The following RYR3 variants were observed in gnomAD, a reference collection of about 807,000 sequenced individuals.
The protein encoded by RYR3 is brain ryanodine receptor-calcium release channel.
RYR3 carries 207 observed loss-of-function variants against 584.3 expected under a neutral mutation model. That is an observed-to-expected ratio of 0.35 (90% CI 0.32 to 0.40). The LOEUF (loss-of-function observed/expected upper bound fraction) is 0.40, where lower values mean the gene tolerates loss of function less well. Ranked by LOEUF, RYR3 falls within the 10% of genes least tolerant of loss-of-function variation. The pLI is 1.00. For synonymous variants in RYR3, 2,416 were observed against 2,248.5 expected (o/e 1.07, Z -2.11); for missense variants, 5,616 against 6,089.2 (o/e 0.92, Z 2.59).
intron 12 of RYR3, among the ~76,000 whole-genome samples, chr15:33,569,311 C>T (rs2057892983): frequency 6.6e-6 from 1 of 152,050 alleles, no homozygotes; most frequent in Non-Finnish European, 1.5e-5. Context: ...TCGTTTTAGC[C>T]ATTTTTAGTT....
chr15:33,651,907 A>G (rs1446595253), intron 31 of RYR3, among the ~76,000 whole-genome samples: 2 of 152,226 alleles, frequency 1.3e-5, no homozygotes, highest in Non-Finnish European at 2.9e-5. Context: ...TCTCTTGCCC[A>G]CGGTGGGGGG....
At chr15:33,481,555 A>C (rs1350587682) in intron 2 of RYR3, among the ~76,000 whole-genome samples, 1 of 152,008 alleles carries the variant, frequency 6.6e-6, no homozygotes, top group East Asian at 1.9e-4. Flanking sequence ...ATCTCAGCTC[A>C]CTGCAACCTC....
At chr15:33,606,452 G>T (rs1261717129) in intron 18 of RYR3, among the ~76,000 whole-genome samples, 3 of 152,166 alleles carry the variant, frequency 2.0e-5, no homozygotes, top group Non-Finnish European at 2.9e-5. Context: ...TGCTGAATGA[G>T]AAAAGAATTC....
intron 16 of RYR3, among the ~76,000 whole-genome samples, chr15:33,599,605 A>G (rs1219655726): frequency 2.0e-5 from 3 of 152,200 alleles, no homozygotes; most frequent in South Asian, 2.1e-4. Flanking sequence ...TCAGATATGC[A>G]TCTATCTCAG....
intron 19 of RYR3, among the ~76,000 whole-genome samples, 195 bp from the exon 20 acceptor site, chr15:33,623,612 A>G (rs1259639537): frequency 1.3e-5 from 2 of 152,238 alleles, no homozygotes; most frequent in Non-Finnish European, 2.9e-5. Flanking sequence ...GCTGAGGATC[A>G]GCCTTGATGC....
intron 43 of RYR3, among the ~76,000 whole-genome samples, chr15:33,716,703 C>T (rs1425867826): frequency 6.6e-6 from 1 of 152,196 alleles, no homozygotes; most frequent in Non-Finnish European, 1.5e-5. Context: ...CAGCTTGCCT[C>T]CAAGGCCCCT....
intron 1 of RYR3, among the ~76,000 whole-genome samples, chr15:33,439,215 A>G (rs1365419489): frequency 6.6e-6 from 1 of 152,088 alleles, no homozygotes; most frequent in Non-Finnish European, 1.5e-5. Flanking sequence ...TTAATATTTT[A>G]TCTTTGGGTT....
Position 33,706,867 on chromosome 15 carries a change from T to A in RYR3, c.6484-52T>A, listed in dbSNP as rs901020272. On this transcript the variant is annotated intron_variant, in intron 42 of 103. Transcript: ENST00000634891. ...TTGTTATTTTTTGAGGTGTGTTTTT[T>A]AATAGCCATCCTAATGCGTGCGAAA... 48 of 1,514,982 alleles carry A rather than the reference T, an allele frequency of 3.2e-5. No homozygotes were observed. In the Admixed American group the frequency reaches 1.0e-3, roughly 33 times the overall value. The allele number at this position is 1,514,982 out of a possible 1,614,324, so 93.8% of individuals were successfully genotyped here. A position where few individuals can be genotyped will look rare whatever the true frequency, so the allele number is the denominator to read the frequency against.
intron 16 of RYR3, among the ~76,000 whole-genome samples, chr15:33,588,941 AT>A (rs1325364174): frequency 1.3e-5 from 2 of 152,194 alleles, no homozygotes; most frequent in Non-Finnish European, 2.9e-5. Context: ...TCTTTTTGAT[AT>A]AGCAATTTAT....
At chr15:33,727,836 G>A (rs1310918899) in intron 46 of RYR3, among the ~76,000 whole-genome samples, 1 of 152,142 alleles carries the variant, frequency 6.6e-6, no homozygotes, top group Non-Finnish European at 1.5e-5. Flanking sequence ...AGTTTTTAGT[G>A]TCAACAAAAC....
At chr15:33,724,369 G>A (rs147081248) in intron 45 of RYR3, among the ~76,000 whole-genome samples, 193 bp downstream of exon 45, 17 of 152,244 alleles carry the variant, frequency 1.1e-4, no homozygotes, top group African/African-American at 3.6e-4. Flanking sequence ...AGGGACTCCC[G>A]GGCAGATCCC....
rs763397370 is a variant in RYR3 at position 33,837,964 on chromosome 15, C to T, written c.11984C>T (p.Ala3995Val). The T allele has an allele frequency of 1.2e-6, 2 of 1,613,856 alleles. No homozygotes were observed. Among genetic ancestry groups the T allele is most frequent in the African/African-American group, 2.7e-5 (2 of 74,914 alleles). The change falls in exon 89 of 104, where the codon GCT becomes GTT. Residue 3995 changes from alanine (A) to valine (V), a missense_variant. Around this residue, in one of 9 missense-constraint regions of RYR3, gnomAD observed 258 missense variants for 297.3 expected, o/e 0.87. Coordinates refer to ENST00000634891, the MANE Select transcript of RYR3 (RefSeq NM_001036.6). The part of the protein sequence containing the change: ...EPAKDIGFNV[A>V]VLLTNLSEHM... Reference sequence around the variant, plus strand: ...GCCAAGGACATAGGGTTTAATGTGGCTGTGTTATTGACAAATCTTTCTGAA... The same window carrying T: ...GCCAAGGACATAGGGTTTAATGTGGTTGTGTTATTGACAAATCTTTCTGAA...
intron 12 of RYR3, among the ~76,000 whole-genome samples, chr15:33,570,843 T>C (rs2057989606): frequency 4.9e-5 from 1 of 20,378 alleles, no homozygotes; most frequent in African/African-American, 9.8e-5. Context: ...CAAATATAAT[T>C]ATTTTTTTGA....
chr15:33,807,680 G>A lies in RYR3; in HGVS notation c.10026+111G>A, dbSNP rs112238196. The A allele has an allele frequency of 7.5e-3, 8,196 of 1,099,612 alleles. 421 individuals are homozygous for A. The African/African-American group carries it at 0.11, about 15-fold the overall frequency. 68.1% of individuals were successfully genotyped at this position (1,099,612 alleles called of 1,614,324 possible). On this transcript the variant is annotated intron_variant, in intron 70 of 103. Coordinates refer to ENST00000634891, the MANE Select transcript of RYR3 (RefSeq NM_001036.6). ...GGGGTGGTAGAGAATGGATTTTCCC[G>A]CCTGGAGGTCCCCCAGGCCTGCTCC...
At chr15:33,346,049 G>A (rs1321131748) in intron 1 of RYR3, among the ~76,000 whole-genome samples, 1 of 152,118 alleles carries the variant, frequency 6.6e-6, no homozygotes, top group Non-Finnish European at 1.5e-5. Flanking sequence ...TTCATTGAAT[G>A]GAAGTATCAT....
intron 100 of RYR3, among the ~76,000 whole-genome samples, 156 bp downstream of exon 100, chr15:33,859,887 T>C (rs2080143437): frequency 6.6e-6 from 1 of 152,156 alleles, no homozygotes; most frequent in South Asian, 2.1e-4. Context: ...ACCTGAGGCT[T>C]TGGCTATATA....
At chr15:33,804,509 C>CTTCCTGACT (rs1460552440) in intron 69 of RYR3, among the ~76,000 whole-genome samples, 2 of 152,234 alleles carry the variant, frequency 1.3e-5, no homozygotes, top group Non-Finnish European at 2.9e-5. Context: ...ATTGAGCTTA[C>CTTCCTGACT]TTCCTGACTT....
At chr15:33,657,683 C>T (rs1378738918) in intron 32 of RYR3, among the ~76,000 whole-genome samples, 1 of 152,198 alleles carries the variant, frequency 6.6e-6, no homozygotes, top group African/African-American at 2.4e-5. Context: ...AAGCTTATTT[C>T]AGGCAGAGGC....
intron 1 of RYR3, among the ~76,000 whole-genome samples, chr15:33,419,715 CTTTTAA>C: frequency 6.6e-6 from 1 of 152,172 alleles, no homozygotes; most frequent in Non-Finnish European, 1.5e-5. Flanking sequence ...GCTGAGGCTC[CTTTTAA>C]TTTTAAAATT....
Sources: allele counts gnomAD v4.1 joint callset (sites outside exome capture counted in the v4.1 genomes callset), GRCh38; gene constraint gnomAD v4.1.1; regional missense constraint gnomAD v4.1.1; transcripts MANE v1.5; gene names NCBI Gene and HGNC (gene_info 2026-07-23, HGNC 2026-07-21).